ERAP1: variants seen among roughly 807,000 people sequenced by gnomAD.
ERAP1 encodes endoplasmic reticulum aminopeptidase 1.
Under a neutral mutation model 103.7 loss-of-function variants are expected in ERAP1, and 86 were observed. That is an observed-to-expected ratio of 0.83 (90% confidence interval 0.70 to 0.99). The LOEUF is 0.99. Among genes scored for constraint, ERAP1 ranks in the 50% least tolerant of loss-of-function variants. ERAP1 has a pLI of 0.00. For synonymous variants in ERAP1, 398 were observed against 402.4 expected (o/e 0.99, Z 0.13); for missense variants, 1,009 against 1,128.4 (o/e 0.89, Z 1.52).
At chr5:96,780,561 T>A (rs1460750154) in intron 17 of ERAP1, 57 bp from the exon 18 acceptor site, 2 of 1,311,950 alleles carry the variant, frequency 1.5e-6, no homozygotes, top group African/African-American at 2.9e-5. Flanking sequence ...TTAACATATA[T>A]TTTAAGGGCC....
At chr5:96,895,399 A>T in the ERAP1 span, 1 of 1,301,176 alleles carries the variant, frequency 7.7e-7, no homozygotes. Context: ...TATGGTGTAA[A>T]GAATCATCAA....
the ERAP1 span, chr5:96,915,749 TC>T: frequency 6.2e-7 from 1 of 1,601,548 alleles, no homozygotes; most frequent in Non-Finnish European, 8.5e-7. Flanking sequence ...TCACTTTTCT[TC>T]CAAGGATAAG....
the ERAP1 span, among the ~76,000 whole-genome samples, chr5:96,921,498 G>A: frequency 6.6e-6 from 1 of 152,198 alleles, no homozygotes; most frequent in South Asian, 2.1e-4. Context: ...TATTCATAGT[G>A]AGAAATCTTT....
the ERAP1 span, among the ~76,000 whole-genome samples, chr5:96,929,422 T>C: frequency 1.3e-5 from 2 of 151,950 alleles, no homozygotes; most frequent in African/African-American, 4.8e-5. Context: ...TCCTTCCTTC[T>C]TTCCTTCCTT....
chr5:96,815,402 G>GTTT, the ERAP1 span, among the ~76,000 whole-genome samples: 4 of 95,192 alleles, frequency 4.2e-5, no homozygotes, highest in East Asian at 2.5e-4. Flanking sequence ...GTTGTTGTTT[G>GTTT]TTTTGTTTTT....
the ERAP1 span, among the ~76,000 whole-genome samples, chr5:96,849,148 T>C: frequency 1.3e-5 from 2 of 152,114 alleles, no homozygotes; most frequent in African/African-American, 2.4e-5. Flanking sequence ...AGGGCATATA[T>C]GACAAACCCA....
At chr5:96,895,442 A>AG in the ERAP1 span, 1 of 969,024 alleles carries the variant, frequency 1.0e-6, no homozygotes, top group Non-Finnish European at 1.6e-6. Flanking sequence ...AATGTTAAAC[A>AG]GAAAAACTAC....
chr5:96,801,155 A>G (rs1777946459), intron 2 of ERAP1, among the ~76,000 whole-genome samples, 155 bp from the exon 3 acceptor site: 1 of 152,236 alleles, frequency 6.6e-6, no homozygotes, highest in Non-Finnish European at 1.5e-5. Context: ...AACTAAGTTA[A>G]AAGACGAGTT....
intron 10 of ERAP1, among the ~76,000 whole-genome samples, chr5:96,789,299 G>A (rs759014475): frequency 2.0e-5 from 3 of 152,086 alleles, no homozygotes; most frequent in Non-Finnish European, 2.9e-5. Context: ...CCAGCCTGGC[G>A]AACATGGTGA....
At chr5:96,816,048 T>C in the ERAP1 span, among the ~76,000 whole-genome samples, 2 of 152,134 alleles carry the variant, frequency 1.3e-5, no homozygotes, top group Non-Finnish European at 2.9e-5. Flanking sequence ...CAAAGCAGAT[T>C]TTCCACACGT....
At chr5:96,900,066 G>A in the ERAP1 span, 9 of 1,602,324 alleles carry the variant, frequency 5.6e-6, no homozygotes, top group Admixed American at 3.4e-5. Context: ...TAATGTGCAC[G>A]TTCAGCCAAC....
At chr5:96,834,689 A>G in the ERAP1 span, among the ~76,000 whole-genome samples, 1 of 152,222 alleles carries the variant, frequency 6.6e-6, no homozygotes, top group African/African-American at 2.4e-5. Context: ...GAGTTTCTTC[A>G]ATGAAGAAAC....
the ERAP1 span, among the ~76,000 whole-genome samples, chr5:96,845,624 T>A: frequency 1.3e-5 from 2 of 152,238 alleles, no homozygotes. Flanking sequence ...TATTAATTAG[T>A]CTGAATAATT....
chr5:96,811,878 A>T (rs1779176651), upstream of ERAP1, among the ~76,000 whole-genome samples: 1 of 152,218 alleles, frequency 6.6e-6, no homozygotes, highest in African/African-American at 2.4e-5. Flanking sequence ...GCATGTTTCC[A>T]GTTCTTGCAG....
chr5:96,909,476 T>C, the ERAP1 span: 3 of 864,830 alleles, frequency 3.5e-6, no homozygotes, highest in Non-Finnish European at 5.6e-6. Flanking sequence ...TGGGGAAAGA[T>C]TGGGAAAGAT....
At chr5:96,804,062 C>G (rs1199293676) in intron 1 of ERAP1, 119 bp from the exon 2 acceptor site, 3 of 1,114,912 alleles carry the variant, frequency 2.7e-6, no homozygotes, top group Non-Finnish European at 3.9e-6. Flanking sequence ...TCCAAAAGTA[C>G]TAGGTCTTTT....
At chr5:96,912,663 T>G in the ERAP1 span, 1 of 1,610,892 alleles carries the variant, frequency 6.2e-7, no homozygotes, top group South Asian at 1.1e-5. Context: ...TTAAAGATTG[T>G]GTATTCTGTG....
the ERAP1 span, among the ~76,000 whole-genome samples, chr5:96,875,063 G>T: frequency 5.9e-5 from 9 of 152,216 alleles, no homozygotes; most frequent in Non-Finnish European, 1.2e-4. Context: ...AGTGGGGGAG[G>T]CATGGTCGAG....
chr5:96,770,118 T>A, downstream of ERAP1: 1 of 167,356 alleles, frequency 6.0e-6, no homozygotes, highest in East Asian at 1.5e-4. Context: ...TAGTTCTACT[T>A]TTAATTTCTT....
Sources: allele counts gnomAD v4.1 joint callset (sites outside exome capture counted in the v4.1 genomes callset), GRCh38; gene constraint gnomAD v4.1.1; transcripts MANE v1.5; gene names NCBI Gene and HGNC (gene_info 2026-07-23, HGNC 2026-07-21).